The following XKR5 variants were observed in gnomAD, a reference collection of about 807,000 sequenced individuals.
XKR5 encodes the protein XK-related protein 5.
XKR5 carries 46 observed loss-of-function variants against 40.8 expected under a neutral mutation model. That is an observed-to-expected ratio of 1.13 (90% CI 0.89 to 1.44). The LOEUF is 1.44. XKR5 is among the 40% of genes most tolerant of loss of function. The pLI, the probability that XKR5 is intolerant of heterozygous loss-of-function variation, is 0.00. For synonymous variants in XKR5, 466 were observed against 356.1 expected, an observed-to-expected ratio of 1.31 and a Z score of -3.48; for missense variants, 1,169 against 844.7, an observed-to-expected ratio of 1.38 and a Z score of -4.76.
chr8:6,825,976 C>T (rs1563358845), intron 2 of XKR5, among the ~76,000 whole-genome samples: 1 of 152,068 alleles, frequency 6.6e-6, no homozygotes, highest in African/African-American at 2.4e-5. Flanking sequence ...CCCTGAACTT[C>T]AGGCTATGGG....
intron 2 of XKR5, 80 bp downstream of exon 2, chr8:6,832,637 A>T: frequency 6.4e-7 from 1 of 1,557,680 alleles, no homozygotes; most frequent in East Asian, 2.3e-5. Context: ...GCTTGAGGAC[A>T]GAATCCACAT....
rs1803594294 is a variant in XKR5 at position 6,809,697 on chromosome 8, A to C, written c.*1501T>G. The C allele has an allele frequency of 6.6e-6, 1 of 152,234 alleles. No individual in the cohort carries two copies. Among genetic ancestry groups the C allele is most frequent in the Non-Finnish European group, 1.5e-5 (1 of 68,054 alleles). The allele number at this position is 152,234 out of a possible 1,614,324, so 9.4% of individuals were successfully genotyped here. On this transcript the variant is annotated 3_prime_UTR_variant, in exon 7 of 7. Transcript: ENST00000618742. Reference sequence around the variant, plus strand: ...GAGGATGCTGATGGTCTGAGAGCTTATTGCAGAAAGTGTCTGCAGGTGCCC... The same window carrying C: ...GAGGATGCTGATGGTCTGAGAGCTTCTTGCAGAAAGTGTCTGCAGGTGCCC...
At chr8:6,832,574 C>G (rs1211461592) in intron 2 of XKR5, 143 bp downstream of exon 2, 1 of 983,150 alleles carries the variant, frequency 1.0e-6, no homozygotes, top group South Asian at 1.7e-5. Context: ...AATATCAGAG[C>G]AGGGGTTTGC....
At chr8:6,815,764 GTT>G in intron 6 of XKR5, 41 bp downstream of exon 6, 1 of 1,376,510 alleles carries the variant, frequency 7.3e-7, no homozygotes, top group South Asian at 1.3e-5. Flanking sequence ...AAAAAAATAC[GTT>G]GGGGAGGGGA....
In XKR5 at chr8:6,811,741, C is replaced by T. The variant is rs777756739; in HGVS notation, c.1518G>A (p.Thr506=). 2.5e-5 allele frequency: 38 copies of T among 1,537,628 alleles called. No homozygotes were observed. The highest frequency in any genetic ancestry group is 3.6e-5 in the South Asian group (3 of 84,062). ...CTTCCTTTGGGGTGCCCTCCCCCTG[C>T]GTGGCTGCTGGGTTCTGGGTAGGTG... ...DEAPTQNPAA[T]QGEGTPKEGA... is the part of the protein sequence containing the mutation. The change falls in exon 7 of 7, where the codon ACG becomes ACA. Residue 506 remains threonine (T), a synonymous_variant. Transcript: ENST00000618742.
intron 6 of XKR5, 63 bp downstream of exon 6, chr8:6,815,744 A>T: frequency 1.6e-6 from 2 of 1,215,742 alleles, no homozygotes; most frequent in Non-Finnish European, 1.2e-6. Flanking sequence ...CTTTGAGCCC[A>T]TTGTAAAAAA....
intron 5 of XKR5, among the ~76,000 whole-genome samples, chr8:6,818,752 A>G (rs1375681360): frequency 6.6e-6 from 1 of 152,194 alleles, no homozygotes; most frequent in Admixed American, 6.5e-5. Context: ...CCTGAGTGCC[A>G]CTGACAACCA....
At chr8:6,827,507 C>A (rs1804564185) in intron 2 of XKR5, among the ~76,000 whole-genome samples, 1 of 152,136 alleles carries the variant, frequency 6.6e-6, no homozygotes, top group African/African-American at 2.4e-5. Flanking sequence ...GTGCTGAGAT[C>A]CCAGGACAGA....
Position 6,832,797 on chromosome 8 carries a change from G to T in XKR5, c.162C>A (p.Tyr54Ter). 6.2e-7 allele frequency: 1 copy of T among 1,613,076 alleles called. No individual in the cohort carries two copies. The highest frequency in any genetic ancestry group is 8.5e-7 in the Non-Finnish European group (1 of 1,179,566). The change falls in exon 2 of 7, where the codon TAC (tyrosine) becomes TAA (stop). Residue 54 changes from tyrosine to a stop codon, truncating the protein, a stop_gained. Coordinates refer to ENST00000618742, the MANE Select transcript of XKR5 (RefSeq NM_207411.5). LOFTEE classifies it high-confidence loss of function. ...GATGCCCGTCTGCTCGGAACCACAGGTAGCTCAGGGCCTGGACCAAGAACC... is the reference window on the plus strand; with the variant it reads ...GATGCCCGTCTGCTCGGAACCACAGTTAGCTCAGGGCCTGGACCAAGAACC... ...LPGFLVQALS[Y>*]LWFRADGHPG...
At chr8:6,832,359 G>A (rs1465519329) in intron 2 of XKR5, among the ~76,000 whole-genome samples, 1 of 152,218 alleles carries the variant, frequency 6.6e-6, no homozygotes, top group Non-Finnish European at 1.5e-5. Context: ...CCACCTTCCT[G>A]TTCTAAGGTG....
chr8:6,810,367 T>C lies in XKR5; in HGVS notation c.*831A>G, dbSNP rs1034532813. ...TTGGATGGGCTTAAATCATGGATAG[T>C]GTCTCACATTGAATGGAAGTGGGAA... On this transcript the variant is annotated 3_prime_UTR_variant, in exon 7 of 7. Transcript: ENST00000618742. 5 of 152,252 alleles carry C rather than the reference T, an allele frequency of 3.3e-5. No individual in the cohort carries two copies. The highest frequency in any genetic ancestry group is 1.2e-4 in the African/African-American group (5 of 41,444). The allele number at this position is 152,252 out of a possible 1,614,324, so 9.4% of individuals were successfully genotyped here.
chr8:6,815,977 C>G lies in XKR5; in HGVS notation c.808-59G>C, dbSNP rs1335918062. ...TCAGGTGCACACTGCCTAGGGACCC[C>G]CGTCCCGTGAGTCTGCAGCGGCTCC... On this transcript the variant is annotated intron_variant, in intron 5 of 6. Coordinates refer to ENST00000618742, the MANE Select transcript of XKR5 (RefSeq NM_207411.5). 5 of 1,351,640 alleles carry G rather than the reference C, an allele frequency of 3.7e-6. No homozygotes were observed. The Admixed American group carries it at 5.9e-5, about 16-fold the overall frequency. The allele number at this position is 1,351,640 out of a possible 1,614,324, so 83.7% of individuals were successfully genotyped here.
intron 2 of XKR5, among the ~76,000 whole-genome samples, chr8:6,831,106 C>A (rs937551377): frequency 6.6e-6 from 1 of 152,214 alleles, no homozygotes; most frequent in African/African-American, 2.4e-5. Context: ...AGGCCTCTGT[C>A]CTCGAGGGCT....
chr8:6,832,477 A>T (rs538565443), intron 2 of XKR5, among the ~76,000 whole-genome samples: 1 of 152,202 alleles, frequency 6.6e-6, no homozygotes, highest in Non-Finnish European at 1.5e-5. Flanking sequence ...GACAAGAAAA[A>T]GCCTTTCGTA....
chr8:6,825,915 G>A (rs990162801), intron 2 of XKR5, among the ~76,000 whole-genome samples: 1 of 152,228 alleles, frequency 6.6e-6, no homozygotes, highest in Non-Finnish European at 1.5e-5. Context: ...GGTGGCTGGA[G>A]CACCATGCGG....
chr8:6,832,445 G>A (rs1804812804), intron 2 of XKR5, among the ~76,000 whole-genome samples: 1 of 152,170 alleles, frequency 6.6e-6, no homozygotes, highest in East Asian at 1.9e-4. Context: ...AATCAAAACA[G>A]CAAGACAGGG....
At chr8:6,812,471 G>T (rs1311844165) in intron 6 of XKR5, 132 bp from the exon 7 acceptor site, 38 of 906,454 alleles carry the variant, frequency 4.2e-5, no homozygotes, top group African/African-American at 1.7e-5. Context: ...ACTCTTGTTG[G>T]AGCCTCAGAA....
At position 6,811,471 on chromosome 8, in the gene XKR5, G is replaced by T; in HGVS notation, c.1788C>A (p.Ala596=). 1 of 1,530,662 alleles carries T rather than the reference G, an allele frequency of 6.5e-7. No individual in the cohort carries two copies. The allele number at this position is 1,530,662 out of a possible 1,614,324, so 94.8% of individuals were successfully genotyped here. The change falls in exon 7 of 7, where the codon GCC becomes GCA. Residue 596 remains alanine, a synonymous_variant. Coordinates refer to ENST00000618742, the MANE Select transcript of XKR5 (RefSeq NM_207411.5). ...CTGTGCCTAGGATGGGGCTAATGTC[G>T]GCCATGGTGTCGGGGAAGGGCGCCA... ...VGLAPFPDTM[A]DISPILGTGP...
At position 6,811,779 on chromosome 8, in the gene XKR5, G is replaced by A; in HGVS notation, c.1480C>T (p.Gln494Ter). ...TTCTGGGTAGGTGCTTCATCCTGCT[G>A]ATCGCTGGCAAAAGATACGTAACTT... The part of the protein sequence containing the change: ...TSSYVSFASD[Q>*]QDEAPTQNPA... The change falls in exon 7 of 7, where the codon CAG (glutamine) becomes TAG (stop). Residue 494 changes from glutamine to a stop codon, truncating the protein, a stop_gained. Coordinates refer to ENST00000618742, the MANE Select transcript of XKR5 (RefSeq NM_207411.5). LOFTEE classifies it low-confidence loss of function (END_TRUNC). 1 of 1,537,636 alleles carries A rather than the reference G, an allele frequency of 6.5e-7. No individual in the cohort carries two copies. The highest frequency in any genetic ancestry group is 8.7e-7 in the Non-Finnish European group (1 of 1,147,018).
Sources: allele counts gnomAD v4.1 joint callset (sites outside exome capture counted in the v4.1 genomes callset), GRCh38; gene constraint gnomAD v4.1.1; transcripts MANE v1.5; gene names NCBI Gene and HGNC (gene_info 2026-07-23, HGNC 2026-07-21).